The following ACTN3 variants were observed in gnomAD, a reference collection of about 807,000 sequenced individuals.
ACTN3 encodes actinin alpha 3, also known as alpha-actinin-3.
In ACTN3, 91 loss-of-function variants were observed where a neutral mutation model predicts 119.6. The ratio of observed to expected loss-of-function variants is 0.76; its 90% confidence interval spans 0.64 to 0.91. The LOEUF is 0.91. ACTN3 is among the 40% of genes least tolerant of loss of function. The pLI is 0.00. For synonymous variants in ACTN3, 456 were observed against 478.8 expected, an observed-to-expected ratio of 0.95 and a Z score of 0.62; for missense variants, 1,221 against 1,215.1, an observed-to-expected ratio of 1.00 and a Z score of -0.07.
chr11:66,560,709 C>G lies in ACTN3; in HGVS notation c.1814C>G (p.Pro605Arg), dbSNP rs749953997. The change falls in exon 15 of 21, where the codon CCC (proline) becomes CGC (arginine). Residue 605 changes from proline (P) to arginine (R), a missense_variant. Pro to Arg is a moderately radical substitution (Grantham distance 103). Around this residue, in one of 3 missense-constraint regions of ACTN3, gnomAD observed 934 missense variants for 899.9 expected, o/e 1.04. Coordinates refer to ENST00000513398, the MANE Select transcript of ACTN3 (RefSeq NM_001104.4). ...GGGCTGCGGCCCTGCTCCACCAATCCCTACATCACCCTCAGCCCGCAGGAC... is the reference window on the plus strand; with the variant it reads ...GGGCTGCGGCCCTGCTCCACCAATCGCTACATCACCCTCAGCCCGCAGGAC... The part of the protein sequence containing the change: ...TYGLRPCSTN[P>R]YITLSPQDIN... The G allele has an allele frequency of 1.5e-5, 25 of 1,613,740 alleles. No individual in the cohort carries two copies. The highest frequency in any genetic ancestry group is 1.9e-5 in the Non-Finnish European group (22 of 1,179,814).
chr11:66,551,504 C>T (rs1857470138), intron 2 of ACTN3, 24 bp from the exon 3 acceptor site: 8 of 1,610,328 alleles, frequency 5.0e-6, no homozygotes, highest in Non-Finnish European at 6.8e-6. Context: ...ACCTTTGGCC[C>T]TTGGCCTCTC....
At position 66,563,215 on chromosome 11, in the gene ACTN3, A is replaced by T; in HGVS notation, c.*22A>T. 6.3e-7 allele frequency: 1 copy of T among 1,579,246 alleles called. No homozygotes were observed. Among genetic ancestry groups the T allele is most frequent in the Non-Finnish European group, 8.6e-7 (1 of 1,159,112 alleles). On this transcript the variant is annotated 3_prime_UTR_variant, in exon 21 of 21. Coordinates refer to ENST00000513398, the MANE Select transcript of ACTN3 (RefSeq NM_001104.4). ...TTGACCCCAACCACTGAGGTTCTCT[A>T]TGCAAGATGGAGAGAGGATGCACCC...
chr11:66,552,299 G>A (rs1192991517), intron 3 of ACTN3, among the ~76,000 whole-genome samples: 1 of 152,008 alleles, frequency 6.6e-6, no homozygotes, highest in Non-Finnish European at 1.5e-5. Flanking sequence ...GAACCCGGGA[G>A]GCCGAGGTTG....
chr11:66,559,916 A>G, intron 12 of ACTN3, 52 bp from the exon 13 acceptor site: 1 of 1,520,728 alleles, frequency 6.6e-7, no homozygotes, highest in Non-Finnish European at 8.9e-7. Flanking sequence ...GAGTGCAGTT[A>G]GGACATCTGG....
rs374176001 is a variant in ACTN3, at chr11:66,560,681, T to C, written c.1786T>C (p.Tyr596His). The change falls in exon 15 of 21, where the codon TAT (tyrosine) becomes CAT (histidine). Residue 596 changes from tyrosine to histidine, a missense_variant. This residue lies in a region of ACTN3 where 934 missense variants were observed against 899.9 expected (regional missense o/e 1.04). Transcript: ENST00000513398. ...QGEIQKICQT[Y>H]GLRPCSTNPY... The stretch of plus-strand genomic sequence containing the variant: ...TGAGATCCAGAAGATCTGCCAGACG[T>C]ATGGGCTGCGGCCCTGCTCCACCAA... 11 of 1,613,874 alleles carry C rather than the reference T, an allele frequency of 6.8e-6. No individual in the cohort carries two copies. The African/African-American group carries it at 1.5e-4, about 22-fold the overall frequency.
intron 7 of ACTN3, 63 bp downstream of exon 7, chr11:66,555,430 C>G (rs1857572135): frequency 1.3e-6 from 2 of 1,526,662 alleles, no homozygotes; most frequent in Non-Finnish European, 1.8e-6. Flanking sequence ...GTACAACCTC[C>G]ACACCTTTGC....
At chr11:66,560,131 G>A in intron 13 of ACTN3, 40 bp from the exon 14 acceptor site, 1 of 1,559,412 alleles carries the variant, frequency 6.4e-7, no homozygotes, top group East Asian at 2.4e-5. Context: ...GGCCAGGTCT[G>A]CAGGGCAGGC....
At chr11:66,547,106 G>T (rs753136102) in intron 1 of ACTN3, 22 bp downstream of exon 1, 1 of 1,488,550 alleles carries the variant, frequency 6.7e-7, no homozygotes, top group Non-Finnish European at 8.9e-7. Flanking sequence ...CCCATTTCCT[G>T]ACAGCAAAAC....
At chr11:66,560,909 T>C (rs1258081041) in intron 15 of ACTN3, 154 bp downstream of exon 15, 4 of 364,078 alleles carry the variant, frequency 1.1e-5, no homozygotes, top group African/African-American at 8.8e-5. Flanking sequence ...GCCTTGCCTG[T>C]CTCGGGCTCA....
chr11:66,552,369 C>CA (rs35515266), intron 3 of ACTN3, among the ~76,000 whole-genome samples: 117 of 145,466 alleles, frequency 8.0e-4, no homozygotes, highest in African/African-American at 2.1e-3. Context: ...GACTCCGTCT[C>CA]AAAAAAAAAA....
chr11:66,559,903 T>C (rs1354299674), intron 12 of ACTN3, 65 bp from the exon 13 acceptor site: 6 of 1,477,550 alleles, frequency 4.1e-6, no homozygotes, highest in Non-Finnish European at 5.5e-6. Flanking sequence ...GTTCCAGCCC[T>C]GGGAGTGCAG....
Position 66,546,948 on chromosome 11 carries a change from T to A in ACTN3, c.11T>A (p.Val4Asp). The change falls in exon 1 of 21, where the codon GTT (valine) becomes GAT (aspartate). Residue 4 changes from valine (V) to aspartate (D), a missense_variant. Val to Asp is a radical substitution (Grantham distance 152). Transcript: ENST00000513398. The part of the protein sequence containing the change: MMM[V>D]MQPEGLGAGE... Reference sequence around the variant, plus strand: ...AGGAGCCCGATCGAGATGATGATGGTTATGCAGCCCGAGGGTCTGGGGGCC... The same window carrying A: ...AGGAGCCCGATCGAGATGATGATGGATATGCAGCCCGAGGGTCTGGGGGCC... 6.5e-7 allele frequency: 1 copy of A among 1,537,230 alleles called. No homozygotes were observed. Among genetic ancestry groups the A allele is most frequent in the Non-Finnish European group, 8.7e-7 (1 of 1,147,206 alleles).
chr11:66,548,918 G>A (rs770344103), intron 1 of ACTN3, among the ~76,000 whole-genome samples: 7 of 152,042 alleles, frequency 4.6e-5, no homozygotes, highest in Admixed American at 1.3e-4. Flanking sequence ...CAGTGACTGC[G>A]TCCTCACTTC....
chr11:66,551,989 T>C (rs531565225), intron 3 of ACTN3, among the ~76,000 whole-genome samples: 202 of 151,712 alleles, frequency 1.3e-3, no homozygotes, highest in African/African-American at 4.8e-3. Context: ...GGCACAAGAA[T>C]TGAATGAACC....
Position 66,553,229 on chromosome 11 carries a change from G to A in ACTN3, c.383-816G>A, listed in dbSNP as rs975721680. Among the ~76,000 whole-genome samples the A allele has an allele frequency of 5.3e-5, 8 of 151,858 alleles. No homozygotes were observed. The South Asian group carries it at 8.3e-4, about 16-fold the overall frequency. On this transcript the variant is annotated intron_variant, in intron 3 of 20. Coordinates refer to ENST00000513398, the MANE Select transcript of ACTN3 (RefSeq NM_001104.4). The stretch of plus-strand genomic sequence containing the variant: ...AGATCATGCCACTGCACTCCAGCCC[G>A]GGCAACAGAGCAAGACTCTGTCACC...
At chr11:66,551,143 C>T (rs1182279288) in intron 1 of ACTN3, 96 bp from the exon 2 acceptor site, 6 of 892,348 alleles carry the variant, frequency 6.7e-6, no homozygotes, top group South Asian at 4.2e-5. Context: ...TCCAGAAATA[C>T]AAGGCTCTGA....
rs1857551100 is a variant in ACTN3, at chr11:66,554,600, C to T, written c.534C>T (p.Val178=). 1 of 1,612,312 alleles carries T rather than the reference C, an allele frequency of 6.2e-7. No individual in the cohort carries two copies. The highest frequency in any genetic ancestry group is 8.5e-7 in the Non-Finnish European group (1 of 1,179,210). Residue 178 remains valine (V), a synonymous_variant, in exon 5 of 21, where the codon GTC becomes GTT. Coordinates refer to ENST00000513398, the MANE Select transcript of ACTN3 (RefSeq NM_001104.4). ...GGAAGACAGCACCGTACCGCAACGT[C>T]AACGTGCAGAACTTCCACACCAGGT... ...CQRKTAPYRN[V]NVQNFHTSWK...
In ACTN3 at chr11:66,555,108, C is replaced by T. The variant is rs775509923; in HGVS notation, c.558-22C>T. ...GGCCCCAGCTTGAACCCAGGCCTGA[C>T]CCCCCTCTTCTCTCTGTCCAGCTGG... On this transcript the variant is annotated intron_variant, in intron 5 of 20. Coordinates refer to ENST00000513398, the MANE Select transcript of ACTN3 (RefSeq NM_001104.4). 32 of 1,612,170 alleles carry T rather than the reference C, an allele frequency of 2.0e-5. 1 individual carries two copies. Among genetic ancestry groups the T allele is most frequent in the Non-Finnish European group, 2.6e-5 (31 of 1,178,598 alleles).
At chr11:66,546,861 C>T, upstream of ACTN3, 1 of 1,507,432 alleles carries the variant, frequency 6.6e-7, no homozygotes, top group Admixed American at 2.2e-5. Context: ...CGATCTGGGG[C>T]TGGGCTGGGC....
Sources: allele counts gnomAD v4.1 joint callset (sites outside exome capture counted in the v4.1 genomes callset), GRCh38; gene constraint gnomAD v4.1.1; regional missense constraint gnomAD v4.1.1; transcripts MANE v1.5; gene names NCBI Gene and HGNC (gene_info 2026-07-23, HGNC 2026-07-21).